MPP7: variants seen among roughly 807,000 people sequenced by gnomAD.
MPP7 encodes the protein MAGUK p55 scaffold protein 7.
MPP7 carries 60 observed loss-of-function variants against 76.5 expected under a neutral mutation model. That is an observed-to-expected ratio of 0.78 (90% confidence interval 0.64 to 0.97). The LOEUF (loss-of-function observed/expected upper bound fraction) is 0.97. Among genes scored for constraint, MPP7 ranks in the 50% least tolerant of loss-of-function variants. MPP7 has a pLI of 0.00. For synonymous variants in MPP7, 237 were observed against 244.5 expected (o/e 0.97, Z 0.29); for missense variants, 641 against 694.0 (o/e 0.92, Z 0.86).
At chr10:28,265,958 G>T (rs1313707952) in intron 1 of MPP7, among the ~76,000 whole-genome samples, 2 of 152,030 alleles carry the variant, frequency 1.3e-5, no homozygotes, top group African/African-American at 4.8e-5. Flanking sequence ...CTTCACAAGG[G>T]CCTTCTGTTC....
chr10:28,126,357 TAA>T, intron 6 of MPP7, among the ~76,000 whole-genome samples: 2 of 152,342 alleles, frequency 1.3e-5, no homozygotes, highest in South Asian at 4.1e-4. Context: ...TTAGTTTGAT[TAA>T]ATCAACTTTC....
intron 2 of MPP7, among the ~76,000 whole-genome samples, chr10:28,237,166 TTAAAC>T (rs1440133515): frequency 6.6e-6 from 1 of 152,220 alleles, no homozygotes; most frequent in Non-Finnish European, 1.5e-5. Flanking sequence ...TTGCATTAAA[TTAAAC>T]TAAGGCATTT....
At chr10:28,330,581 C>T (rs1231897077) in intron 1 of MPP7, among the ~76,000 whole-genome samples, 1 of 152,052 alleles carries the variant, frequency 6.6e-6, no homozygotes, top group East Asian at 1.9e-4. Context: ...GTGGCTAGAA[C>T]TCAGGAAGAA....
chr10:28,079,636 T>C (rs751849430), intron 12 of MPP7, among the ~76,000 whole-genome samples: 1 of 152,182 alleles, frequency 6.6e-6, no homozygotes, highest in South Asian at 2.1e-4. Context: ...GTTCTTATAC[T>C]GACAAAAAAA....
intron 13 of MPP7, 71 bp from the exon 14 acceptor site, chr10:28,059,814 T>A: frequency 9.8e-7 from 1 of 1,017,832 alleles, no homozygotes; most frequent in Admixed American, 2.3e-5. Context: ...AAAAAAGAAA[T>A]CAAGGGTATT....
rs893844615 is a variant in MPP7, at chr10:28,122,688, T to C, written c.615+1343A>G. Among the ~76,000 whole-genome samples the C allele has an allele frequency of 6.6e-5, 10 of 152,334 alleles. No homozygotes were observed. In the East Asian group the frequency reaches 1.9e-3, roughly 29 times the overall value. Reference sequence around the variant, plus strand: ...TTCTTTTGTAAAGTATTTGTCCATATGCACTGCTGATTTTTCTGTAAATGT... The same window carrying C: ...TTCTTTTGTAAAGTATTTGTCCATACGCACTGCTGATTTTTCTGTAAATGT... On this transcript the variant is annotated intron_variant, in intron 8 of 16. Transcript: ENST00000683449.
intron 13 of MPP7, among the ~76,000 whole-genome samples, chr10:28,067,065 G>A (rs993407008): frequency 2.0e-5 from 3 of 152,132 alleles, no homozygotes; most frequent in African/African-American, 7.2e-5. Flanking sequence ...TGCAGTAGGA[G>A]CGGAATTGCT....
intron 1 of MPP7, among the ~76,000 whole-genome samples, chr10:28,249,853 G>T (rs908295921): frequency 6.6e-6 from 1 of 152,116 alleles, no homozygotes; most frequent in Non-Finnish European, 1.5e-5. Context: ...TTCTCTTCTC[G>T]CATGGAGAAG....
intron 1 of MPP7, among the ~76,000 whole-genome samples, chr10:28,289,641 C>A (rs75975025): frequency 0.015 from 2,312 of 152,180 alleles, 38 homozygotes; most frequent in East Asian, 0.072. Context: ...CTTGAATCTG[C>A]GTGAAACGGC....
chr10:28,174,005 C>G (rs1238969296), intron 3 of MPP7, among the ~76,000 whole-genome samples: 1 of 152,138 alleles, frequency 6.6e-6, no homozygotes, highest in Non-Finnish European at 1.5e-5. Flanking sequence ...CAGAAACAGT[C>G]CCATACGAAA....
intron 2 of MPP7, among the ~76,000 whole-genome samples, chr10:28,227,838 T>C (rs1294094495): frequency 6.6e-6 from 1 of 152,236 alleles, no homozygotes; most frequent in East Asian, 1.9e-4. Context: ...ATATACCCAG[T>C]AATGAGATTA....
intron 13 of MPP7, among the ~76,000 whole-genome samples, chr10:28,066,158 G>A (rs1020263528): frequency 2.6e-5 from 4 of 152,118 alleles, no homozygotes; most frequent in African/African-American, 9.7e-5. Flanking sequence ...TCTGAGGCCA[G>A]GAGTTTGAGA....
intron 5 of MPP7, among the ~76,000 whole-genome samples, chr10:28,134,098 A>C (rs1172305439): frequency 6.6e-6 from 1 of 152,236 alleles, no homozygotes; most frequent in East Asian, 1.9e-4. Context: ...ATAGATATAT[A>C]GTAAGCCCAT....
chr10:28,215,720 G>T lies in MPP7; in HGVS notation c.38-13449C>A, dbSNP rs192022787. Among the ~76,000 whole-genome samples, 8 of 152,244 alleles carry T rather than the reference G, an allele frequency of 5.3e-5. 2 individuals carry two copies. The East Asian group carries it at 1.5e-3, about 29-fold the overall frequency. On this transcript the variant is annotated intron_variant, in intron 2 of 16. Coordinates refer to ENST00000683449, the MANE Select transcript of MPP7 (RefSeq NM_001318170.2). ...ACTGGGCATATTGGTAAACATCTCT[G>T]TGTATCCATTGTTTATTGTGTAAAA...
intron 5 of MPP7, among the ~76,000 whole-genome samples, chr10:28,139,161 C>T (rs1383660713): frequency 6.6e-6 from 1 of 152,168 alleles, no homozygotes; most frequent in African/African-American, 2.4e-5. Flanking sequence ...AAAGGCAGCC[C>T]CTGAGCTCCT....
chr10:28,099,746 G>A (rs1277820211), intron 11 of MPP7, among the ~76,000 whole-genome samples: 1 of 152,090 alleles, frequency 6.6e-6, no homozygotes, highest in Non-Finnish European at 1.5e-5. Flanking sequence ...GGCAGAGGTT[G>A]TGGTGAGCCA....
At chr10:28,232,529 A>AC (rs1838923868) in intron 2 of MPP7, among the ~76,000 whole-genome samples, 1 of 152,156 alleles carries the variant, frequency 6.6e-6, no homozygotes, top group Admixed American at 6.5e-5. Context: ...TAGGGAGTTA[A>AC]TTTTTTTAAA....
intron 12 of MPP7, among the ~76,000 whole-genome samples, chr10:28,088,426 G>A (rs1485353762): frequency 1.3e-5 from 2 of 152,044 alleles, no homozygotes; most frequent in African/African-American, 4.8e-5. Context: ...TGGTTTAAAA[G>A]TATGTGGCAC....
chr10:28,281,098 GA>G (rs1260129780), intron 1 of MPP7, among the ~76,000 whole-genome samples: 3 of 148,548 alleles, frequency 2.0e-5, no homozygotes, highest in Non-Finnish European at 3.0e-5. Context: ...TCTTTTTTTT[GA>G]GACAGGGTCT....
Sources: allele counts gnomAD v4.1 joint callset (sites outside exome capture counted in the v4.1 genomes callset), GRCh38; gene constraint gnomAD v4.1.1; transcripts MANE v1.5; gene names NCBI Gene and HGNC (gene_info 2026-07-23, HGNC 2026-07-21).